Variants in CTNNA3 observed in about 807,000 individuals in gnomAD.
CTNNA3 encodes catenin alpha 3.
Under a neutral mutation model 95.7 loss-of-function variants are expected in CTNNA3, and 76 were observed. The observed-to-expected ratio is 0.79, with a 90% CI of 0.66 to 0.96. The LOEUF is 0.96. Among genes scored for constraint, CTNNA3 ranks in the 40% least tolerant of loss-of-function variants. The pLI, the probability that CTNNA3 is intolerant of heterozygous loss-of-function variation, is 0.00. For missense variants in CTNNA3, 1,191 were observed against 1,089.8 expected, an observed-to-expected ratio of 1.09 and a Z score of -1.31; for synonymous variants, 431 against 374.4, an observed-to-expected ratio of 1.15 and a Z score of -1.74.
In CTNNA3 at chr10:67,096,750, C is replaced by T. The variant is rs144195161; in HGVS notation, c.1047+83567G>A. On this transcript the variant is annotated intron_variant, in intron 7 of 17. Transcript: ENST00000433211. ...CTTTTTCCCTCACTTTTAGAACTTG[C>T]TTTCTTTAGTTGGCAAGGGAGTCCC... Among the ~76,000 whole-genome samples, 8 of 151,910 alleles carry T rather than the reference C, an allele frequency of 5.3e-5. No individual in the cohort carries two copies. In the East Asian group the frequency reaches 1.4e-3, roughly 26 times the overall value.
chr10:66,303,751 G>T (rs772491735), intron 12 of CTNNA3, among the ~76,000 whole-genome samples: 4 of 151,902 alleles, frequency 2.6e-5, no homozygotes, highest in Admixed American at 6.6e-5. Flanking sequence ...TTGCCACCAC[G>T]CCTGGCTAAT....
intron 5 of CTNNA3, among the ~76,000 whole-genome samples, chr10:67,277,050 G>A (rs1406029481): frequency 2.0e-5 from 3 of 152,002 alleles, no homozygotes; most frequent in African/African-American, 4.8e-5. Context: ...GGCATCCCAG[G>A]TCTTCCAAGA....
chr10:67,044,365 A>C (rs1396074095), intron 7 of CTNNA3, among the ~76,000 whole-genome samples: 1 of 152,158 alleles, frequency 6.6e-6, no homozygotes, highest in Non-Finnish European at 1.5e-5. Flanking sequence ...TTTTAAAATT[A>C]CCTGGCACTA....
At chr10:66,392,794 A>T (rs975152288) in intron 11 of CTNNA3, among the ~76,000 whole-genome samples, 1 of 152,152 alleles carries the variant, frequency 6.6e-6, no homozygotes, top group African/African-American at 2.4e-5. Context: ...ATGTAAAATG[A>T]CATTTTGGAA....
chr10:67,114,943 G>A (rs1859096918), intron 7 of CTNNA3, among the ~76,000 whole-genome samples: 1 of 152,122 alleles, frequency 6.6e-6, no homozygotes, highest in Non-Finnish European at 1.5e-5. Flanking sequence ...CAGGAAGAGT[G>A]TGGGAAAATT....
At chr10:65,947,717 A>G (rs2077539950) in intron 17 of CTNNA3, among the ~76,000 whole-genome samples, 1 of 152,252 alleles carries the variant, frequency 6.6e-6, no homozygotes, top group Non-Finnish European at 1.5e-5. Flanking sequence ...GTGTTGAGTC[A>G]CTGAGAATTG....
At chr10:66,480,060 T>C (rs1839466388) in intron 11 of CTNNA3, among the ~76,000 whole-genome samples, 1 of 151,974 alleles carries the variant, frequency 6.6e-6, no homozygotes, top group African/African-American at 2.4e-5. Context: ...AATCTGGAAA[T>C]GACAGGCTAA....
chr10:67,139,134 G>T (rs1445315678), intron 7 of CTNNA3, among the ~76,000 whole-genome samples: 2 of 151,804 alleles, frequency 1.3e-5, no homozygotes, highest in Non-Finnish European at 2.9e-5. Context: ...ACATTTAATT[G>T]ATTTTATTTA....
chr10:67,721,143 G>C (rs1841177797), intron 1 of CTNNA3, among the ~76,000 whole-genome samples: 1 of 152,050 alleles, frequency 6.6e-6, no homozygotes, highest in Non-Finnish European at 1.5e-5. Context: ...TCTTAGGGTT[G>C]CTCTTCTCAA....
intron 7 of CTNNA3, among the ~76,000 whole-genome samples, chr10:66,952,643 T>C (rs1209260567): frequency 6.6e-6 from 1 of 152,110 alleles, no homozygotes; most frequent in Non-Finnish European, 1.5e-5. Context: ...AATTCTAAGT[T>C]GACATTGTCA....
intron 11 of CTNNA3, among the ~76,000 whole-genome samples, chr10:66,438,915 A>T (rs2093356782): frequency 6.6e-6 from 1 of 152,184 alleles, no homozygotes; most frequent in African/African-American, 2.4e-5. Context: ...CTCAAGGCAC[A>T]GTCCCTCATG....
intron 11 of CTNNA3, among the ~76,000 whole-genome samples, chr10:66,426,379 A>G (rs2093241331): frequency 6.6e-6 from 1 of 152,068 alleles, no homozygotes; most frequent in Non-Finnish European, 1.5e-5. Flanking sequence ...TATTACTGAT[A>G]CACTTTCAAA....
At chr10:67,566,043 G>GTATATATATATATATATATA (rs772272609) in intron 3 of CTNNA3, among the ~76,000 whole-genome samples, 323 of 26,876 alleles carry the variant, frequency 0.012, 35 homozygotes, top group Middle Eastern at 0.025. Flanking sequence ...ATGTGTGTGT[G>GTATATATATATATATATATA]TATATATATA....
intron 7 of CTNNA3, among the ~76,000 whole-genome samples, chr10:66,991,946 C>T (rs534417159): frequency 6.6e-6 from 1 of 152,250 alleles, no homozygotes; most frequent in Admixed American, 6.5e-5. Flanking sequence ...TTCATACCTC[C>T]CCTTTCAGTG....
chr10:66,071,691 T>C (rs2080437375), intron 14 of CTNNA3, among the ~76,000 whole-genome samples: 1 of 152,166 alleles, frequency 6.6e-6, no homozygotes, highest in African/African-American at 2.4e-5. Flanking sequence ...GTTTAGAACC[T>C]AAGTTTCCAA....
chr10:66,028,644 A>T (rs1405349762), intron 15 of CTNNA3, among the ~76,000 whole-genome samples: 1 of 152,146 alleles, frequency 6.6e-6, no homozygotes, highest in African/African-American at 2.4e-5. Flanking sequence ...TACCTAATGT[A>T]AATGATGAGT....
intron 7 of CTNNA3, among the ~76,000 whole-genome samples, chr10:67,108,209 G>T (rs1028528275): frequency 6.6e-6 from 1 of 152,078 alleles, no homozygotes. Context: ...ATAAATAATT[G>T]TCAGTAAAGT....
chr10:66,780,422 G>A (rs1840484446), intron 7 of CTNNA3, among the ~76,000 whole-genome samples: 1 of 151,856 alleles, frequency 6.6e-6, no homozygotes, highest in African/African-American at 2.4e-5. Flanking sequence ...AACCTGGGTA[G>A]GAGGATGACT....
At chr10:67,501,236 G>A (rs1198465618) in intron 5 of CTNNA3, among the ~76,000 whole-genome samples, 2 of 152,224 alleles carry the variant, frequency 1.3e-5, no homozygotes, top group East Asian at 1.9e-4. Context: ...TAATTTGGCT[G>A]GATATGAAAT....
Sources: gnomAD v4.1 joint callset for allele counts (sites outside exome capture counted in the v4.1 genomes callset) on GRCh38, gnomAD v4.1.1 for gene constraint, MANE v1.5 for transcripts, NCBI Gene and HGNC (gene_info 2026-07-23, HGNC 2026-07-21) for gene names.